Variants in CLCN5 observed in about 807,000 individuals in gnomAD.
CLCN5 encodes the protein Cl-/H+ antiporter 5.
CLCN5 carries 17 observed loss-of-function variants against 54.0 expected under a neutral mutation model. The observed-to-expected ratio is 0.31, with a 90% CI of 0.22 to 0.47. The LOEUF (loss-of-function observed/expected upper bound fraction) is 0.47. Ranked by LOEUF, CLCN5 falls within the 20% of genes least tolerant of loss-of-function variation. The probability of loss-of-function intolerance (pLI) is 1.00; values close to 1 mark genes in which losing one functional copy is unlikely to be tolerated. For synonymous variants in CLCN5, 222 were observed against 233.0 expected, an observed-to-expected ratio of 0.95 and a Z score of 0.43; for missense variants, 448 against 646.7, an observed-to-expected ratio of 0.69 and a Z score of 3.33.
intron 9 of CLCN5, among the ~76,000 whole-genome samples, chrX:50,082,790 A>G (rs1375098397): frequency 5.3e-5 from 6 of 112,206 alleles, no homozygotes; most frequent in African/African-American, 1.9e-4. Flanking sequence ...TTGCTATGGA[A>G]TAGTACATAT....
At chrX:50,074,571 C>T (rs1293407599) in intron 6 of CLCN5, among the ~76,000 whole-genome samples, 4 of 112,187 alleles carry the variant, frequency 3.6e-5, no homozygotes, top group African/African-American at 1.3e-4. Context: ...AGGTGTCAAA[C>T]AATGTGTTAG....
chrX:49,980,436 C>G (rs374228636), intron 3 of CLCN5, among the ~76,000 whole-genome samples: 5 of 111,376 alleles, frequency 4.5e-5, no homozygotes, highest in African/African-American at 1.6e-4. Flanking sequence ...CACTTAATGG[C>G]TGAAATAAAA....
intron 3 of CLCN5, among the ~76,000 whole-genome samples, chrX:49,988,597 G>A (rs1312900673): frequency 7.2e-5 from 8 of 111,382 alleles, no homozygotes; most frequent in Non-Finnish European, 1.5e-4. Context: ...CAGCTGTGCT[G>A]AAAGACCTGC....
intron 3 of CLCN5, among the ~76,000 whole-genome samples, chrX:49,946,309 G>A (rs1490170105): frequency 2.7e-5 from 3 of 111,622 alleles, no homozygotes; most frequent in African/African-American, 6.5e-5. Flanking sequence ...GGAGATGGTC[G>A]TGGCTCAACT....
intron 3 of CLCN5, among the ~76,000 whole-genome samples, chrX:49,966,406 C>T (rs1268045789): frequency 9.3e-6 from 1 of 108,073 alleles, no homozygotes; most frequent in East Asian, 3.0e-4. Flanking sequence ...TAGAGATGTC[C>T]CCTCTCATTC....
At chrX:50,092,046 TGAG>T in intron 14 of CLCN5, 80 bp from the exon 15 acceptor site, 2 of 686,316 alleles carry the variant, frequency 2.9e-6, no homozygotes, top group Non-Finnish European at 4.6e-6. Flanking sequence ...TGAAAAGGAC[TGAG>T]GAGGACAAGT....
chrX:49,928,901 G>A lies in CLCN5; in HGVS notation c.16+3587G>A, dbSNP rs181952352. Among the ~76,000 whole-genome samples, 168 of 111,767 alleles carry A rather than the reference G, an allele frequency of 1.5e-3. 1 individual carries two copies. The highest frequency in any genetic ancestry group is 2.7e-3 in the Non-Finnish European group (142 of 53,092). On this transcript the variant is annotated intron_variant, in intron 3 of 14. Coordinates refer to ENST00000376091, the MANE Select transcript of CLCN5 (RefSeq NM_001127898.4). ...GATCGTGCCACTGCCCTCCAGCCTG[G>A]GCGACAGAGCCAGACTCCATCTCAA...
chrX:49,974,412 C>T (rs1602000785), intron 3 of CLCN5, among the ~76,000 whole-genome samples: 1 of 101,384 alleles, frequency 9.9e-6, no homozygotes, highest in South Asian at 4.3e-4. Context: ...CTTTACTGGC[C>T]TTTTTTTTTT....
intron 3 of CLCN5, among the ~76,000 whole-genome samples, chrX:50,031,816 C>T (rs1312282840): frequency 9.4e-6 from 1 of 105,824 alleles, no homozygotes; most frequent in Non-Finnish European, 1.9e-5. Context: ...TGTGCTGCAC[C>T]CATTAACTCG....
chrX:50,026,997 ATTTC>A (rs1247342164), intron 3 of CLCN5, among the ~76,000 whole-genome samples: 41 of 100,540 alleles, frequency 4.1e-4, no homozygotes, highest in Admixed American at 6.3e-4. Flanking sequence ...TATTTCTTCT[ATTTC>A]TTTCTTTCTT....
intron 3 of CLCN5, among the ~76,000 whole-genome samples, chrX:49,983,670 A>G (rs1464674843): frequency 9.3e-6 from 1 of 108,028 alleles, no homozygotes; most frequent in Non-Finnish European, 1.9e-5. Context: ...GTATTATAAA[A>G]TAATATAAAA....
Position 50,067,860 on chromosome X carries a change from CTGCTCTTTG to C in CLCN5, c.164-2018_164-2010del, listed in dbSNP as rs781928690. The stretch of plus-strand genomic sequence containing the variant: ...TCTGTTGTAGGATTCTAATCACTGC[CTGCTCTTTG>C]AGAGGGGCCTGACAATTGCGTTTCT... On this transcript the variant is annotated intron_variant, in intron 4 of 14. Coordinates refer to ENST00000376091, the MANE Select transcript of CLCN5 (RefSeq NM_001127898.4). 2.2e-5 allele frequency: 7 copies of C among 314,360 alleles called. 1 individual carries two copies. In the South Asian group the frequency reaches 8.2e-4, roughly 37 times the overall value. The allele number at this position is 314,360 out of a possible 1,213,427, so 25.9% of individuals were successfully genotyped here. A position where few individuals can be genotyped will look rare whatever the true frequency, so the allele number is the denominator to read the frequency against.
chrX:50,097,870 A>G lies in CLCN5; in HGVS notation c.*5651A>G, dbSNP rs1357240070. 8.9e-6 allele frequency: 1 copy of G among 112,415 alleles called. No individual in the cohort carries two copies. Among genetic ancestry groups the G allele is most frequent in the Non-Finnish European group, 1.9e-5 (1 of 53,282 alleles). 9.3% of individuals were successfully genotyped at this position (112,415 alleles called of 1,213,427 possible). ...CATATGAAGTATTTACTGCTAAACTATATTACTTACTAGTACAAATCTGTT... is the reference window on the plus strand; with the variant it reads ...CATATGAAGTATTTACTGCTAAACTGTATTACTTACTAGTACAAATCTGTT... On this transcript the variant is annotated 3_prime_UTR_variant, in exon 15 of 15. Transcript: ENST00000376091.
chrX:50,051,703 G>A (rs111506340), intron 4 of CLCN5, among the ~76,000 whole-genome samples: 6,727 of 111,404 alleles, frequency 0.06, 543 homozygotes, highest in African/African-American at 0.21. Context: ...GTAGTTTTCT[G>A]CATATAGATC....
At chrX:49,994,799 A>C (rs972253837) in intron 3 of CLCN5, among the ~76,000 whole-genome samples, 15 of 111,905 alleles carry the variant, frequency 1.3e-4, no homozygotes, top group African/African-American at 4.5e-4. Context: ...AGGTCACAGC[A>C]GTTAAACACG....
rs1448818144 is a variant in CLCN5, at chrX:50,080,606, T to C, written c.616T>C (p.Tyr206His). ...IISTDEGAFA[Y>H]IVNYFMYVLW... The stretch of plus-strand genomic sequence containing the variant: ...CCCCCTGTTCCAGGGAGCCTTTGCC[T>C]ACATAGTCAATTATTTCATGTACGT... Residue 206 changes from tyrosine to histidine, a missense_variant, in exon 8 of 15, where the codon TAC (tyrosine) becomes CAC (histidine). By Grantham distance (83) the Tyr-to-His change is moderately conservative (BLOSUM62 2). Around this residue, in one of 5 missense-constraint regions of CLCN5, gnomAD observed 40 missense variants for 27.8 expected, o/e 1.44. Transcript: ENST00000376091. The C allele has an allele frequency of 8.3e-7, 1 of 1,206,080 alleles. No individual in the cohort carries two copies. Among genetic ancestry groups the C allele is most frequent in the African/African-American group, 1.8e-5 (1 of 56,495 alleles).
intron 3 of CLCN5, among the ~76,000 whole-genome samples, chrX:49,989,343 A>G (rs1472688339): frequency 9.0e-6 from 1 of 111,346 alleles, no homozygotes; most frequent in Non-Finnish European, 1.9e-5. Context: ...CTACCCACTC[A>G]ATGCCTTTGC....
At chrX:50,041,935 A>G (rs1333845682) in intron 3 of CLCN5, among the ~76,000 whole-genome samples, 1 of 112,400 alleles carries the variant, frequency 8.9e-6, no homozygotes, top group African/African-American at 3.2e-5. Flanking sequence ...TCAGCCATAA[A>G]AATTGATGAA....
chrX:50,003,193 A>C (rs1446486713), intron 3 of CLCN5: 2 of 383,617 alleles, frequency 5.2e-6, no homozygotes, highest in Admixed American at 2.5e-5. Flanking sequence ...GACCGTTGGC[A>C]TCTTAATTAC....
Sources: gnomAD v4.1 joint callset for allele counts (sites outside exome capture counted in the v4.1 genomes callset) on GRCh38, gnomAD v4.1.1 for gene constraint, gnomAD v4.1.1 regional missense constraint, MANE v1.5 for transcripts, NCBI Gene and HGNC (gene_info 2026-07-23, HGNC 2026-07-21) for gene names.